The following PLCB1 variants were observed in gnomAD, a reference collection of about 807,000 sequenced individuals.
The protein encoded by PLCB1 is phospholipase C beta 1.
In PLCB1, 46 loss-of-function variants were observed where a neutral mutation model predicts 161.8. The observed-to-expected ratio is 0.28, with a 90% CI of 0.22 to 0.36. The LOEUF is 0.36. PLCB1 is among the 10% of genes least tolerant of loss of function. The pLI is 1.00. For missense variants in PLCB1, 1,016 were observed against 1,472.5 expected (o/e 0.69, Z 5.07); for synonymous variants, 517 against 503.7 (o/e 1.03, Z -0.35).
chr20:8,296,300 T>C (rs775370547), intron 2 of PLCB1, among the ~76,000 whole-genome samples: 16 of 152,192 alleles, frequency 1.1e-4, no homozygotes, highest in Non-Finnish European at 1.6e-4. Flanking sequence ...CTGAAATTAC[T>C]TGGAGTCACC....
intron 3 of PLCB1, among the ~76,000 whole-genome samples, chr20:8,487,813 T>C (rs1982792368): frequency 6.6e-6 from 1 of 152,188 alleles, no homozygotes; most frequent in Non-Finnish European, 1.5e-5. Context: ...TAATAGTAGA[T>C]GTGTTGAGTG....
chr20:8,435,124 C>G (rs768454275), intron 3 of PLCB1, among the ~76,000 whole-genome samples: 1 of 152,204 alleles, frequency 6.6e-6, no homozygotes. Context: ...GTGATACTTA[C>G]AAGCTCCCCA....
intron 9 of PLCB1, among the ~76,000 whole-genome samples, chr20:8,674,226 G>A (rs1198432123): frequency 6.6e-6 from 1 of 152,188 alleles, no homozygotes; most frequent in Non-Finnish European, 1.5e-5. Context: ...AAATGCTATG[G>A]AGAAATATAA....
At chr20:8,344,668 C>T (rs1985933324) in intron 2 of PLCB1, among the ~76,000 whole-genome samples, 1 of 152,158 alleles carries the variant, frequency 6.6e-6, no homozygotes, top group South Asian at 2.1e-4. Flanking sequence ...GTGCTCACCC[C>T]AACAGGATTA....
chr20:8,391,124 C>G (rs1360986409), intron 3 of PLCB1, among the ~76,000 whole-genome samples: 1 of 151,036 alleles, frequency 6.6e-6, no homozygotes, highest in African/African-American at 2.4e-5. Context: ...ATTCCATGCA[C>G]TAATATAGAT....
At chr20:8,278,988 AAC>A (rs1982737727) in intron 2 of PLCB1, among the ~76,000 whole-genome samples, 1 of 152,118 alleles carries the variant, frequency 6.6e-6, no homozygotes, top group African/African-American at 2.4e-5. Flanking sequence ...TAAAAAAAAA[AAC>A]AAAACAGAAA....
intron 31 of PLCB1, among the ~76,000 whole-genome samples, chr20:8,863,848 ATTATAC>A (rs57788373): frequency 0.29 from 44,700 of 151,632 alleles, 7,502 homozygotes; most frequent in East Asian, 0.65. Context: ...TGAAAACCCT[ATTATAC>A]TTATAATCAT....
chr20:8,311,711 C>T (rs1470018366), intron 2 of PLCB1, among the ~76,000 whole-genome samples: 2 of 152,170 alleles, frequency 1.3e-5, no homozygotes, highest in African/African-American at 4.8e-5. Context: ...TTTGCCCTTA[C>T]CAGTACTTTG....
chr20:8,134,902 A>G (rs2122997373), intron 1 of PLCB1, among the ~76,000 whole-genome samples: 1 of 150,744 alleles, frequency 6.6e-6, no homozygotes, highest in Admixed American at 6.6e-5. Context: ...TGCACTCAGG[A>G]GTCAAGTTAT....
At chr20:8,459,208 T>C (rs1389506021) in intron 3 of PLCB1, among the ~76,000 whole-genome samples, 4 of 152,206 alleles carry the variant, frequency 2.6e-5, no homozygotes, top group Admixed American at 2.6e-4. Context: ...GGAAAAGTTT[T>C]GGCTAAGCAA....
intron 31 of PLCB1, among the ~76,000 whole-genome samples, chr20:8,867,916 G>A (rs1223361055): frequency 6.6e-6 from 1 of 152,030 alleles, no homozygotes; most frequent in Admixed American, 6.5e-5. Context: ...TAAGGTCCTA[G>A]GAACAGTGCC....
chr20:8,244,221 C>A (rs562088872), intron 2 of PLCB1, among the ~76,000 whole-genome samples: 6 of 151,886 alleles, frequency 4.0e-5, no homozygotes, highest in African/African-American at 1.2e-4. Context: ...CTGTGCCCTA[C>A]ATATATCTAC....
At chr20:8,435,753 A>G (rs1192201475) in intron 3 of PLCB1, among the ~76,000 whole-genome samples, 2 of 152,306 alleles carry the variant, frequency 1.3e-5, no homozygotes, top group East Asian at 1.9e-4. Flanking sequence ...CTTATGAGAC[A>G]TTGACAGGAG....
chr20:8,232,819 C>T (rs895517417), intron 2 of PLCB1, among the ~76,000 whole-genome samples: 9 of 152,194 alleles, frequency 5.9e-5, no homozygotes, highest in Non-Finnish European at 1.2e-4. Context: ...TGGTTTAGCA[C>T]TTCTTGCAAT....
chr20:8,513,540 C>G (rs1405396503), intron 3 of PLCB1, among the ~76,000 whole-genome samples: 1 of 152,226 alleles, frequency 6.6e-6, no homozygotes, highest in Non-Finnish European at 1.5e-5. Context: ...AATACCTATA[C>G]TGCAGGTGCT....
At chr20:8,878,477 C>T (rs1987854071) in intron 31 of PLCB1, among the ~76,000 whole-genome samples, 1 of 152,152 alleles carries the variant, frequency 6.6e-6, no homozygotes, top group Non-Finnish European at 1.5e-5. Flanking sequence ...CTGTTTGATG[C>T]CCCAGTGACT....
At chr20:8,727,678 T>A (rs956147293) in intron 17 of PLCB1, among the ~76,000 whole-genome samples, 6 of 152,144 alleles carry the variant, frequency 3.9e-5, no homozygotes, top group Non-Finnish European at 8.8e-5. Context: ...TTTCCTTGTC[T>A]ATAAAGCAGA....
chr20:8,875,172 A>G (rs1480257245), intron 31 of PLCB1, among the ~76,000 whole-genome samples: 1 of 150,862 alleles, frequency 6.6e-6, no homozygotes. Context: ...ATTTATGCTC[A>G]TTTTTCAGAG....
intron 25 of PLCB1, among the ~76,000 whole-genome samples, chr20:8,761,388 G>A (rs1982017716): frequency 6.6e-6 from 1 of 152,156 alleles, no homozygotes; most frequent in African/African-American, 2.4e-5. Context: ...TTGACTTTGG[G>A]AAAATTTACA....
Sources: allele counts gnomAD v4.1 joint callset (sites outside exome capture counted in the v4.1 genomes callset), GRCh38; gene constraint gnomAD v4.1.1; transcripts MANE v1.5; gene names NCBI Gene and HGNC (gene_info 2026-07-23, HGNC 2026-07-21).